Variants in MESD observed in about 807,000 individuals in gnomAD.
The protein encoded by MESD is LRP chaperone MESD.
MESD carries 7 observed loss-of-function variants against 12.9 expected under a neutral mutation model. The observed-to-expected ratio is 0.54, with a 90% CI of 0.31 to 1.02. MESD has a LOEUF of 1.02. MESD is among the 50% of genes least tolerant of loss of function. The probability of loss-of-function intolerance (pLI) is 0.05; values close to 1 mark genes in which losing one functional copy is unlikely to be tolerated. For missense variants in MESD, 342 were observed against 296.7 expected, an observed-to-expected ratio of 1.15 and a Z score of -1.12; for synonymous variants, 126 against 115.6, an observed-to-expected ratio of 1.09 and a Z score of -0.58.
intron 3 of MESD, among the ~76,000 whole-genome samples, chr15:80,965,309 A>G (rs147767411): frequency 0.019 from 2,912 of 152,244 alleles, 78 homozygotes; most frequent in African/African-American, 0.067. Flanking sequence ...AACAACAGAT[A>G]CTGGAGAGGA....
intron 1 of MESD, among the ~76,000 whole-genome samples, chr15:80,987,140 G>T (rs1181697014): frequency 1.3e-5 from 2 of 152,188 alleles, no homozygotes; most frequent in Admixed American, 1.3e-4. Context: ...CTCAGAATTA[G>T]TTGTAACACA....
intron 3 of MESD, among the ~76,000 whole-genome samples, chr15:80,969,920 G>A (rs1902250713): frequency 6.6e-6 from 1 of 152,186 alleles, no homozygotes. Context: ...GGAAAATACT[G>A]AATGGCTATG....
At chr15:80,965,595 C>T (rs1018839791) in intron 3 of MESD, among the ~76,000 whole-genome samples, 27 of 152,282 alleles carry the variant, frequency 1.8e-4, no homozygotes, top group Middle Eastern at 3.4e-3. Context: ...AAATGTGGCA[C>T]ATACACACCA....
At chr15:80,946,744 C>T (rs114299619), downstream of MESD, 1,759 of 570,446 alleles carry the variant, frequency 3.1e-3, 22 homozygotes, top group African/African-American at 0.029. Context: ...TGGGCACCAA[C>T]TGTGGCCAGA....
rs1313792720 is a variant in MESD at position 80,948,832 on chromosome 15, C to T, written c.*693G>A. 3 of 1,614,220 alleles carry T rather than the reference C, an allele frequency of 1.9e-6. No individual in the cohort carries two copies. The highest frequency in any genetic ancestry group is 2.2e-5 in the South Asian group (2 of 91,088). On this transcript the variant is annotated 3_prime_UTR_variant, in exon 5 of 5. Coordinates refer to the MESD transcript ENST00000561312. ...ATTCGTTGGCTTCAAAGGCAGCTTC[C>T]GGCCCATCTGGGTGACACTGGACAC... is the stretch of plus-strand genomic sequence containing the variant.
intron 1 of MESD, among the ~76,000 whole-genome samples, chr15:80,987,066 T>C (rs570461244): frequency 1.3e-5 from 2 of 152,362 alleles, no homozygotes; most frequent in South Asian, 4.1e-4. Context: ...CCTCTTCCCA[T>C]TATACCTGGC....
intron 3 of MESD, among the ~76,000 whole-genome samples, chr15:80,956,373 G>A (rs984140890): frequency 3.3e-5 from 5 of 151,980 alleles, no homozygotes; most frequent in African/African-American, 9.7e-5. Context: ...TTTCTTCCCC[G>A]GTCTCCACAC....
At chr15:80,967,069 A>ATCACCTGAGC (rs1416419244) in intron 3 of MESD, among the ~76,000 whole-genome samples, 4 of 152,166 alleles carry the variant, frequency 2.6e-5, no homozygotes, top group African/African-American at 9.7e-5. Context: ...AGGTGAGCAG[A>ATCACCTGAGC]TCACCTGAGG....
chr15:80,985,725 C>T lies in MESD; in HGVS notation c.214-3543G>A, dbSNP rs923367343. ...CAATGGTGCTGGTGCAATCTTGGCT[C>T]ATTGCAACTTCTGCCTGCCAGGCTC... On this transcript the variant is annotated intron_variant, in intron 1 of 2. Coordinates refer to ENST00000261758, the MANE Select transcript of MESD (RefSeq NM_015154.3). 9.6e-4 allele frequency among the ~76,000 whole-genome samples: 132 copies of T among 137,836 alleles called. 1 individual carries two copies. Among genetic ancestry groups the T allele is most frequent in the African/African-American group, 3.4e-3 (124 of 36,338 alleles). The allele number at this position is 137,836 out of a possible 152,430, so 90.4% of individuals were successfully genotyped here. A position where few individuals can be genotyped will look rare whatever the true frequency, so the allele number is the denominator to read the frequency against.
At position 80,989,802 on chromosome 15, in the gene MESD, C is replaced by G; in HGVS notation, c.-11G>C. On this transcript the variant is annotated 5_prime_UTR_variant, in exon 1 of 3. Coordinates refer to ENST00000261758, the MANE Select transcript of MESD (RefSeq NM_015154.3). ...CCTGGAAGCCGCCATTTTCGCTGCG[C>G]CGCGCAGCGCCCTAGACGCGCTTAC... 6.4e-7 allele frequency: 1 copy of G among 1,558,662 alleles called. No individual in the cohort carries two copies. The highest frequency in any genetic ancestry group is 8.6e-7 in the Non-Finnish European group (1 of 1,159,204).
exon 5 of MESD, chr15:80,948,717 C>T (rs554128645): frequency 2.3e-5 from 36 of 1,591,866 alleles, no homozygotes; most frequent in East Asian, 4.5e-5. Context: ...GGGGGGCTGG[C>T]GATGGGGAGC....
At chr15:80,967,063 G>C (rs1902187200) in intron 3 of MESD, among the ~76,000 whole-genome samples, 1 of 152,132 alleles carries the variant, frequency 6.6e-6, no homozygotes, top group South Asian at 2.1e-4. Context: ...AGGCTTAGGT[G>C]AGCAGATCAC....
chr15:80,966,961 G>A (rs1902185280), intron 3 of MESD, among the ~76,000 whole-genome samples: 1 of 152,124 alleles, frequency 6.6e-6, no homozygotes. Flanking sequence ...GAGGCCCATC[G>A]AGGTGATGCG....
At chr15:80,989,174 C>T (rs1893226638) in intron 1 of MESD, among the ~76,000 whole-genome samples, 1 of 152,212 alleles carries the variant, frequency 6.6e-6, no homozygotes, top group South Asian at 2.1e-4. Context: ...ACCCACTCAC[C>T]GCAAAACAGA....
intron 3 of MESD, among the ~76,000 whole-genome samples, chr15:80,953,951 T>G (rs1425363641): frequency 6.6e-6 from 1 of 152,148 alleles, no homozygotes; most frequent in Non-Finnish European, 1.5e-5. Context: ...TGAGGTGGCA[T>G]ATGCCTGCAT....
At chr15:80,980,980 T>G (rs1258439575) in intron 2 of MESD, among the ~76,000 whole-genome samples, 2 of 151,806 alleles carry the variant, frequency 1.3e-5, no homozygotes, top group Non-Finnish European at 2.9e-5. Context: ...TGCATCACCA[T>G]GCCCCGCTAA....
chr15:80,955,421 C>A (rs1344732530), intron 3 of MESD, among the ~76,000 whole-genome samples: 3 of 139,342 alleles, frequency 2.2e-5, no homozygotes, highest in Admixed American at 7.4e-5. Flanking sequence ...ACCCAGGAGG[C>A]GGAGCTTGCA....
intron 1 of MESD, among the ~76,000 whole-genome samples, chr15:80,986,299 G>T (rs1259088608): frequency 1.3e-5 from 2 of 152,136 alleles, no homozygotes; most frequent in Non-Finnish European, 2.9e-5. Context: ...ATGGTGAATG[G>T]ATACAAAATT....
intron 3 of MESD, among the ~76,000 whole-genome samples, chr15:80,966,826 CCTCTT>C (rs1158200845): frequency 6.6e-6 from 1 of 152,206 alleles, no homozygotes; most frequent in African/African-American, 2.4e-5. Flanking sequence ...AACCTTTGCA[CCTCTT>C]CTCTTCCTCC....
Sources: allele counts gnomAD v4.1 joint callset (sites outside exome capture counted in the v4.1 genomes callset), GRCh38; gene constraint gnomAD v4.1.1; transcripts MANE v1.5; gene names NCBI Gene and HGNC (gene_info 2026-07-23, HGNC 2026-07-21).